Variants in POU6F2 observed in about 807,000 individuals in gnomAD.
POU6F2 encodes POU class 6 homeobox 2.
In POU6F2, 31 loss-of-function variants were observed where a neutral mutation model predicts 71.3. The ratio of observed to expected loss-of-function variants is 0.43; its 90% CI spans 0.33 to 0.59. The LOEUF (loss-of-function observed/expected upper bound fraction) is 0.59. Among genes scored for constraint, POU6F2 ranks in the 20% least tolerant of loss-of-function variants. The probability of loss-of-function intolerance (pLI) is 0.04; values close to 1 mark genes in which losing one functional copy is unlikely to be tolerated. For synonymous variants in POU6F2, 347 were observed against 355.7 expected (o/e 0.98, Z 0.27); for missense variants, 783 against 856.8 (o/e 0.91, Z 1.07).
intron 2 of POU6F2, among the ~76,000 whole-genome samples, chr7:39,096,094 A>G (rs1415165873): frequency 6.6e-6 from 1 of 152,148 alleles, no homozygotes; most frequent in Non-Finnish European, 1.5e-5. Context: ...GGAAATAACC[A>G]CGATGAGTAA....
intron 4 of POU6F2, among the ~76,000 whole-genome samples, chr7:39,261,494 T>C (rs1479322496): frequency 6.6e-6 from 1 of 152,216 alleles, no homozygotes; most frequent in Non-Finnish European, 1.5e-5. Flanking sequence ...AAGGCATTGT[T>C]CTCATCCATT....
intron 4 of POU6F2, among the ~76,000 whole-genome samples, chr7:39,320,252 G>A (rs75899609): frequency 0.031 from 4,658 of 152,176 alleles, 157 homozygotes; most frequent in African/African-American, 0.081. Flanking sequence ...CTGAATCTCC[G>A]TCAGAAGACC....
chr7:39,110,603 G>A (rs1384255713), intron 2 of POU6F2, among the ~76,000 whole-genome samples: 1 of 152,124 alleles, frequency 6.6e-6, no homozygotes, highest in Admixed American at 6.5e-5. Flanking sequence ...AAAAGTGACA[G>A]AGGAAATACT....
intron 1 of POU6F2, among the ~76,000 whole-genome samples, chr7:38,989,840 T>TGC (rs1788560486): frequency 6.6e-6 from 1 of 151,466 alleles, no homozygotes; most frequent in African/African-American, 2.4e-5. Flanking sequence ...TGTGTGTGTG[T>TGC]GTGTGTGGAA....
intron 2 of POU6F2, among the ~76,000 whole-genome samples, chr7:39,182,197 A>G (rs1793448255): frequency 6.6e-6 from 1 of 152,196 alleles, no homozygotes; most frequent in African/African-American, 2.4e-5. Context: ...TTTATCCTTA[A>G]TATGTGCTAA....
At chr7:39,293,257 G>A (rs746604546) in intron 4 of POU6F2, among the ~76,000 whole-genome samples, 2 of 152,158 alleles carry the variant, frequency 1.3e-5, no homozygotes, top group South Asian at 2.1e-4. Context: ...AGAATTACAA[G>A]GCTGACAAGC....
At chr7:39,345,243 C>A (rs1474019086) in intron 5 of POU6F2, among the ~76,000 whole-genome samples, 1 of 151,788 alleles carries the variant, frequency 6.6e-6, no homozygotes. Flanking sequence ...TTTCTGGACA[C>A]ACCTTTAAAT....
chr7:39,434,941 T>C (rs1044903532), intron 7 of POU6F2, among the ~76,000 whole-genome samples: 2 of 152,210 alleles, frequency 1.3e-5, no homozygotes, highest in Admixed American at 6.5e-5. Flanking sequence ...GCTTCATCCA[T>C]ATCCCTGCAA....
At chr7:39,103,594 G>A (rs1791618978) in intron 2 of POU6F2, among the ~76,000 whole-genome samples, 1 of 152,108 alleles carries the variant, frequency 6.6e-6, no homozygotes, top group African/African-American at 2.4e-5. Context: ...GAAGAGTCTT[G>A]GTTACTATCT....
intron 8 of POU6F2, among the ~76,000 whole-genome samples, chr7:39,458,430 C>T (rs912130853): frequency 6.6e-6 from 1 of 151,876 alleles, no homozygotes; most frequent in Non-Finnish European, 1.5e-5. Context: ...TTTATTTGCA[C>T]ACTGCTCATT....
At chr7:39,185,893 GTATATGTATA>G (rs1793530702) in intron 2 of POU6F2, among the ~76,000 whole-genome samples, 4 of 147,052 alleles carry the variant, frequency 2.7e-5, no homozygotes, top group African/African-American at 9.9e-5. Flanking sequence ...ATATTTATAT[GTATATGTATA>G]TATATGTATA....
At chr7:39,421,365 A>T (rs1004648371) in intron 6 of POU6F2, among the ~76,000 whole-genome samples, 38 of 152,310 alleles carry the variant, frequency 2.5e-4, no homozygotes, top group Middle Eastern at 3.4e-3. Context: ...TTGCCACAAC[A>T]ATGGATATTC....
At chr7:39,267,759 T>C (rs1371305949) in intron 4 of POU6F2, among the ~76,000 whole-genome samples, 2 of 152,152 alleles carry the variant, frequency 1.3e-5, no homozygotes, top group Non-Finnish European at 2.9e-5. Flanking sequence ...TGTGGGCCAT[T>C]GCACCTGACT....
intron 2 of POU6F2, among the ~76,000 whole-genome samples, chr7:39,130,096 C>T (rs1254097326): frequency 6.8e-6 from 1 of 147,000 alleles, no homozygotes; most frequent in East Asian, 2.0e-4. Flanking sequence ...AAAAATTTCA[C>T]AGCATGCACT....
chr7:39,392,872 T>A (rs1787102351), intron 5 of POU6F2, among the ~76,000 whole-genome samples: 3 of 152,182 alleles, frequency 2.0e-5, no homozygotes, highest in Admixed American at 2.0e-4. Context: ...TTCTCAATAG[T>A]CACAGGATTG....
At chr7:39,100,780 A>G in intron 2 of POU6F2, among the ~76,000 whole-genome samples, 1 of 152,120 alleles carries the variant, frequency 6.6e-6, no homozygotes, top group East Asian at 1.9e-4. Flanking sequence ...AGATGTTACT[A>G]CTGTTCCCTC....
intron 2 of POU6F2, among the ~76,000 whole-genome samples, chr7:39,161,843 C>T (rs1793005398): frequency 6.6e-6 from 1 of 152,174 alleles, no homozygotes; most frequent in Admixed American, 6.5e-5. Context: ...GTACATTTTG[C>T]CATGACATTT....
chr7:39,110,409 A>G (rs1027109392), intron 2 of POU6F2, among the ~76,000 whole-genome samples: 16 of 152,106 alleles, frequency 1.1e-4, no homozygotes, highest in African/African-American at 3.9e-4. Flanking sequence ...TCTTGAGGTT[A>G]CTCACATTTA....
chr7:39,109,997 G>T (rs571906221), intron 2 of POU6F2, among the ~76,000 whole-genome samples: 1 of 152,120 alleles, frequency 6.6e-6, no homozygotes, highest in Non-Finnish European at 1.5e-5. Context: ...TTGGCTGGGC[G>T]CGGAGGCTCA....
Sources: allele counts gnomAD v4.1 joint callset (sites outside exome capture counted in the v4.1 genomes callset), GRCh38; gene constraint gnomAD v4.1.1; transcripts MANE v1.5; gene names NCBI Gene and HGNC (gene_info 2026-07-23, HGNC 2026-07-21).